The following LINGO2 variants were observed in gnomAD, a reference collection of about 807,000 sequenced individuals.
LINGO2 encodes leucine-rich repeat and immunoglobulin-like domain-containing nogo receptor-interacting protein 2.
A neutral mutation model predicts 30.6 loss-of-function variants in LINGO2; 14 were observed. The ratio of observed to expected loss-of-function variants is 0.46; its 90% CI spans 0.30 to 0.72. The LOEUF (loss-of-function observed/expected upper bound fraction) is 0.72, where lower values mean the gene tolerates loss of function less well. Ranked by LOEUF, LINGO2 falls within the 30% of genes least tolerant of loss-of-function variation. LINGO2 has a pLI of 0.07. For missense variants in LINGO2, 729 were observed against 751.7 expected, an observed-to-expected ratio of 0.97 and a Z score of 0.35; for synonymous variants, 317 against 288.5, an observed-to-expected ratio of 1.10 and a Z score of -1.00.
chr9:29,188,954 G>C, the LINGO2 span, among the ~76,000 whole-genome samples: 1 of 147,508 alleles, frequency 6.8e-6, no homozygotes, highest in Non-Finnish European at 1.5e-5. Context: ...CTGGCCCGGC[G>C]GGGGGCTGAC....
chr9:28,119,252 G>C lies in LINGO2; in HGVS notation c.-86-106847C>G, dbSNP rs181996475. On this transcript the variant is annotated intron_variant, in intron 4 of 5. Coordinates refer to ENST00000379992, the Ensembl canonical transcript of LINGO2. ...GAGGGTTCCCAACCTAGAAACCTCA[G>C]CCTCCTGAGTAGCTGGGATTACAGG... 7.6e-4 allele frequency among the ~76,000 whole-genome samples: 116 copies of C among 152,230 alleles called. No homozygotes were observed. In the Middle Eastern group the frequency reaches 0.02, roughly 27 times the overall value.
chr9:28,351,941 A>T (rs1489171279), intron 3 of LINGO2, among the ~76,000 whole-genome samples: 1 of 151,210 alleles, frequency 6.6e-6, no homozygotes, highest in Non-Finnish European at 1.5e-5. Flanking sequence ...CCTTTGACAA[A>T]ATTCAACAAC....
At chr9:28,013,955 C>T (rs534692822) in intron 4 of LINGO2, among the ~76,000 whole-genome samples, 1 of 152,266 alleles carries the variant, frequency 6.6e-6, no homozygotes, top group African/African-American at 2.4e-5. Flanking sequence ...AGAAAGAAAT[C>T]AAACTAGTTA....
chr9:27,954,207 A>G (rs1819453501), intron 5 of LINGO2, among the ~76,000 whole-genome samples: 1 of 152,196 alleles, frequency 6.6e-6, no homozygotes, highest in African/African-American at 2.4e-5. Context: ...TGTTGGGAAC[A>G]TTTCAAGTCT....
intron 1 of LINGO2, among the ~76,000 whole-genome samples, chr9:28,551,434 C>G (rs1822276198): frequency 6.6e-6 from 1 of 151,824 alleles, no homozygotes; most frequent in African/African-American, 2.4e-5. Flanking sequence ...GGAAACCAAA[C>G]TATTATTGAA....
chr9:28,206,927 T>C (rs1301669986), intron 4 of LINGO2, among the ~76,000 whole-genome samples: 2 of 152,170 alleles, frequency 1.3e-5, no homozygotes, highest in Non-Finnish European at 2.9e-5. Context: ...AAGATGGAAC[T>C]ATTTGATTTC....
chr9:28,737,110 T>G, the LINGO2 span, among the ~76,000 whole-genome samples: 1 of 152,162 alleles, frequency 6.6e-6, no homozygotes, highest in Non-Finnish European at 1.5e-5. Context: ...ATTAAGAAGC[T>G]TATAGTTTCT....
rs550169494 is a variant in LINGO2 at position 28,226,571 on chromosome 9, G to A, written c.-87+68637C>T. Among the ~76,000 whole-genome samples the A allele has an allele frequency of 7.4e-5, 11 of 148,430 alleles. No individual in the cohort carries two copies. The South Asian group carries it at 8.6e-4, about 12-fold the overall frequency. On this transcript the variant is annotated intron_variant, in intron 4 of 5. Transcript: ENST00000379992. Reference sequence around the variant, plus strand: ...ACACATCATTGAGGAAGGGTCGGAAGAAAAAGAGAGAGAGAAAGAAAAAAG... The same window carrying A: ...ACACATCATTGAGGAAGGGTCGGAAAAAAAAGAGAGAGAGAAAGAAAAAAG...
intron 1 of LINGO2, among the ~76,000 whole-genome samples, chr9:28,667,414 A>G (rs531242994): frequency 6.6e-5 from 10 of 152,192 alleles, no homozygotes; most frequent in African/African-American, 2.4e-4. Context: ...TTTAAATTTT[A>G]CTTTCTCCAA....
chr9:28,109,748 C>A (rs1182930954), intron 4 of LINGO2, among the ~76,000 whole-genome samples: 4 of 152,118 alleles, frequency 2.6e-5, no homozygotes, highest in African/African-American at 4.8e-5. Context: ...AGAGAGGACA[C>A]AAACAAATGG....
At chr9:29,177,557 A>G in the LINGO2 span, among the ~76,000 whole-genome samples, 1 of 152,192 alleles carries the variant, frequency 6.6e-6, no homozygotes, top group Non-Finnish European at 1.5e-5. Context: ...AAACATGGAT[A>G]TGTCCCCAGA....
intron 4 of LINGO2, among the ~76,000 whole-genome samples, chr9:28,014,051 T>A (rs973069016): frequency 3.9e-5 from 6 of 152,318 alleles, no homozygotes; most frequent in African/African-American, 1.4e-4. Flanking sequence ...CAGATGTCAA[T>A]CATTTCCAGC....
the LINGO2 span, among the ~76,000 whole-genome samples, chr9:29,175,677 C>A: frequency 1.6e-4 from 24 of 152,036 alleles, no homozygotes; most frequent in African/African-American, 5.5e-4. Context: ...CAGGCACACA[C>A]CACCACGCCT....
chr9:28,630,121 T>C (rs1423169657), intron 1 of LINGO2, among the ~76,000 whole-genome samples: 3 of 152,064 alleles, frequency 2.0e-5, no homozygotes, highest in Non-Finnish European at 4.4e-5. Flanking sequence ...AGATGACGAG[T>C]TAGTGGGTGC....
rs1422023507 is a variant in LINGO2, at chr9:27,957,541, C to G, written c.-35-6835G>C. On this transcript the variant is annotated intron_variant, in intron 5 of 5. Coordinates refer to ENST00000379992, the Ensembl canonical transcript of LINGO2. ...TCTCCTGACCTTGTGATCTGCCCAC[C>G]TTGGCCTCCCCAAAGTGCTGGGATT... 2.6e-5 allele frequency among the ~76,000 whole-genome samples: 4 copies of G among 152,286 alleles called. No homozygotes were observed. The East Asian group carries it at 7.7e-4, about 29-fold the overall frequency.
At chr9:28,456,260 A>T (rs561535529) in intron 2 of LINGO2, among the ~76,000 whole-genome samples, 28 of 152,310 alleles carry the variant, frequency 1.8e-4, no homozygotes, top group African/African-American at 6.0e-4. Flanking sequence ...TAAGACCAAG[A>T]TTCAACACAA....
At chr9:28,426,293 T>C (rs1415114202) in intron 2 of LINGO2, among the ~76,000 whole-genome samples, 1 of 152,072 alleles carries the variant, frequency 6.6e-6, no homozygotes, top group Non-Finnish European at 1.5e-5. Flanking sequence ...TAATGATACA[T>C]AATATATAAT....
chr9:28,562,457 C>CAAAAAAAAA (rs56998877), intron 1 of LINGO2, among the ~76,000 whole-genome samples: 4 of 109,204 alleles, frequency 3.7e-5, no homozygotes, highest in Non-Finnish European at 7.0e-5. Flanking sequence ...CATTTACTTT[C>CAAAAAAAAA]AAAAAAAAAA....
the LINGO2 span, among the ~76,000 whole-genome samples, chr9:29,134,019 C>T: frequency 6.6e-6 from 1 of 152,062 alleles, no homozygotes; most frequent in Admixed American, 6.6e-5. Context: ...TACTTAATAG[C>T]TTTAATCTCT....
Sources: gnomAD v4.1 joint callset for allele counts (sites outside exome capture counted in the v4.1 genomes callset) on GRCh38, gnomAD v4.1.1 for gene constraint, MANE v1.5 for transcripts, NCBI Gene and HGNC (gene_info 2026-07-23, HGNC 2026-07-21) for gene names.